CDH13: variants seen among roughly 807,000 people sequenced by gnomAD.
CDH13 encodes cadherin-13.
CDH13 carries 24 observed loss-of-function variants against 63.8 expected under a neutral mutation model. The observed-to-expected ratio is 0.38, with a 90% CI of 0.27 to 0.53. CDH13 has a LOEUF of 0.53. Ranked by LOEUF, CDH13 falls within the 20% of genes least tolerant of loss-of-function variation. The pLI, the probability that CDH13 is intolerant of heterozygous loss-of-function variation, is 0.85. For synonymous variants in CDH13, 503 were observed against 355.3 expected (o/e 1.42, Z -4.67); for missense variants, 1,049 against 903.1 (o/e 1.16, Z -2.07).
At chr16:83,279,443 C>A (rs1413948012) in intron 5 of CDH13, among the ~76,000 whole-genome samples, 1 of 152,112 alleles carries the variant, frequency 6.6e-6, no homozygotes, top group African/African-American at 2.4e-5. Flanking sequence ...ACAATAGCTG[C>A]AATGCAAGTG....
chr16:82,838,007 T>G (rs1452234114), intron 1 of CDH13, among the ~76,000 whole-genome samples: 1 of 152,194 alleles, frequency 6.6e-6, no homozygotes, highest in East Asian at 1.9e-4. Context: ...AGGCCCCTAC[T>G]AACTCTCTGG....
chr16:83,675,195 G>A (rs6563963), intron 9 of CDH13, among the ~76,000 whole-genome samples: 11,355 of 152,194 alleles, frequency 0.075, 687 homozygotes, highest in African/African-American at 0.17. Flanking sequence ...TGTGTGCTTT[G>A]TGAGATCTTG....
intron 6 of CDH13, among the ~76,000 whole-genome samples, chr16:83,375,297 C>A (rs1242784530): frequency 6.6e-6 from 1 of 152,182 alleles, no homozygotes; most frequent in African/African-American, 2.4e-5. Context: ...AGTGCTGAGG[C>A]CCCCTTGGGC....
At chr16:83,210,823 A>C (rs1460907731) in intron 4 of CDH13, among the ~76,000 whole-genome samples, 1 of 151,370 alleles carries the variant, frequency 6.6e-6, no homozygotes, top group African/African-American at 2.4e-5. Context: ...GCAGTGGGGG[A>C]TCCTGGATTG....
At chr16:82,650,006 C>A (rs138014746) in intron 1 of CDH13, among the ~76,000 whole-genome samples, 1 of 152,104 alleles carries the variant, frequency 6.6e-6, no homozygotes, top group South Asian at 2.1e-4. Flanking sequence ...CAACAAGGAC[C>A]ATTTCCTGGG....
At chr16:83,293,973 C>G (rs930499237) in intron 5 of CDH13, among the ~76,000 whole-genome samples, 8 of 152,122 alleles carry the variant, frequency 5.3e-5, no homozygotes, top group Non-Finnish European at 1.2e-4. Flanking sequence ...CCCCTGTGAG[C>G]AGGAGGAGAA....
Position 82,860,393 on chromosome 16 carries a change from G to C in CDH13, c.157+1920G>C, listed in dbSNP as rs959659635. 6.8e-5 allele frequency among the ~76,000 whole-genome samples: 9 copies of C among 132,666 alleles called. 1 individual carries two copies. The highest frequency in any genetic ancestry group is 1.5e-4 in the Admixed American group (2 of 13,180). The allele number at this position is 132,666 out of a possible 152,430, so 87.0% of individuals were successfully genotyped here. A position where few individuals can be genotyped will look rare whatever the true frequency, so the allele number is the denominator to read the frequency against. On this transcript the variant is annotated intron_variant, in intron 2 of 13. Coordinates refer to ENST00000567109, the MANE Select transcript of CDH13 (RefSeq NM_001257.5). ...CACAGTTGTGTGTGTGTGTGTGGGG[G>C]GGGGGGCGGCGGTGTGCGTGTGTGC...
At chr16:82,694,433 C>G (rs745421023) in intron 1 of CDH13, among the ~76,000 whole-genome samples, 2 of 152,138 alleles carry the variant, frequency 1.3e-5, no homozygotes, top group African/African-American at 2.4e-5. Context: ...TATTCATATT[C>G]TTCTTGGGTA....
At chr16:82,742,417 T>A (rs1008629845) in intron 1 of CDH13, among the ~76,000 whole-genome samples, 1 of 152,170 alleles carries the variant, frequency 6.6e-6, no homozygotes, top group East Asian at 1.9e-4. Flanking sequence ...GATATAATTA[T>A]GATACAGTAA....
chr16:83,048,016 T>C (rs1390686055), intron 3 of CDH13, among the ~76,000 whole-genome samples: 1 of 152,152 alleles, frequency 6.6e-6, no homozygotes, highest in African/African-American at 2.4e-5. Context: ...TTTGTCACAA[T>C]AGAAAAATAT....
chr16:82,690,843 C>A (rs1460725171), intron 1 of CDH13, among the ~76,000 whole-genome samples: 1 of 152,238 alleles, frequency 6.6e-6, no homozygotes, highest in East Asian at 1.9e-4. Flanking sequence ...GCTGAGCTGA[C>A]TGTCAACCCC....
chr16:83,670,858 C>T lies in CDH13; in HGVS notation c.1170C>T (p.Asp390=). The T allele has an allele frequency of 6.2e-7, 1 of 1,613,840 alleles. No homozygotes were observed. Among genetic ancestry groups the T allele is most frequent in the Non-Finnish European group, 8.5e-7 (1 of 1,179,788 alleles). ...IVNLTVEDKD[D]PTTGAWRAAY... is the part of the protein sequence containing the mutation. ...ATTTGACAGTTGAAGATAAGGATGACCCCACCACAGGTGCATGGAGGGCTG... is the reference window on the plus strand; with the variant it reads ...ATTTGACAGTTGAAGATAAGGATGATCCCACCACAGGTGCATGGAGGGCTG... Residue 390 remains aspartate, a synonymous_variant, in exon 9 of 14, where the codon GAC becomes GAT. Transcript: ENST00000567109.
intron 6 of CDH13, among the ~76,000 whole-genome samples, chr16:83,460,838 T>C (rs1249597728): frequency 3.0e-5 from 1 of 33,812 alleles, no homozygotes; most frequent in Non-Finnish European, 6.0e-5. Context: ...TCTCTACAAA[T>C]AATTAAAAAA....
chr16:83,395,265 G>A (rs2091865737), intron 6 of CDH13, among the ~76,000 whole-genome samples: 1 of 151,492 alleles, frequency 6.6e-6, no homozygotes, highest in Non-Finnish European at 1.5e-5. Flanking sequence ...AGTGAGCCAA[G>A]ACTGTGCCAC....
At chr16:82,791,918 GCCATCTTGGGAGCGGCCCGCC>G (rs1045375471) in intron 1 of CDH13, among the ~76,000 whole-genome samples, 4 of 152,158 alleles carry the variant, frequency 2.6e-5, no homozygotes, top group South Asian at 2.1e-4. Flanking sequence ...AAGGCTTGCT[GCCATCTTGGGAGCGGCCCGCC>G]CCATCTTGGG....
At chr16:83,218,702 C>G (rs1254469890) in intron 5 of CDH13, among the ~76,000 whole-genome samples, 3 of 152,180 alleles carry the variant, frequency 2.0e-5, no homozygotes, top group Non-Finnish European at 1.5e-5. Context: ...TTCATAATTT[C>G]TTAACAGAGT....
intron 4 of CDH13, among the ~76,000 whole-genome samples, chr16:83,214,300 C>G (rs551808215): frequency 6.6e-6 from 1 of 151,968 alleles, no homozygotes; most frequent in Non-Finnish European, 1.5e-5. Context: ...GAAACCTAGG[C>G]CGGACGTGGT....
chr16:82,902,536 T>A (rs1362993362), intron 2 of CDH13, among the ~76,000 whole-genome samples: 1 of 152,110 alleles, frequency 6.6e-6, no homozygotes, highest in African/African-American at 2.4e-5. Flanking sequence ...CTTTCTTTCC[T>A]CGGGATTTAT....
At chr16:83,788,570 A>G (rs1013308764) in intron 13 of CDH13, among the ~76,000 whole-genome samples, 15 of 152,028 alleles carry the variant, frequency 9.9e-5, no homozygotes, top group Non-Finnish European at 1.5e-5. Context: ...TACAGATGAC[A>G]ATCATCAGCA....
Sources: allele counts gnomAD v4.1 joint callset (sites outside exome capture counted in the v4.1 genomes callset), GRCh38; gene constraint gnomAD v4.1.1; transcripts MANE v1.5; gene names NCBI Gene and HGNC (gene_info 2026-07-23, HGNC 2026-07-21).